The following MN1 variants were observed in gnomAD, a reference collection of about 807,000 sequenced individuals.
The protein encoded by MN1 is transcriptional activator MN1.
Under a neutral mutation model 86.9 loss-of-function variants are expected in MN1, and 19 were observed. The ratio of observed to expected loss-of-function variants is 0.22; its 90% CI spans 0.15 to 0.32. The LOEUF (loss-of-function observed/expected upper bound fraction) is 0.32, where lower values mean the gene tolerates loss of function less well. Ranked by LOEUF, MN1 falls within the 10% of genes least tolerant of loss-of-function variation. MN1 has a pLI of 1.00. For synonymous variants in MN1, 928 were observed against 849.6 expected (o/e 1.09, Z -1.60); for missense variants, 1,841 against 1,862.0 (o/e 0.99, Z 0.21).
Position 27,797,961 on chromosome 22 carries a change from G to A in MN1, c.2583C>T (p.Ser861=), listed in dbSNP as rs1486341722. The change falls in exon 1 of 2, where the codon AGC becomes AGT. Residue 861 remains serine, a synonymous_variant. Transcript: ENST00000302326. The stretch of plus-strand genomic sequence containing the variant: ...CTGCCGCGCCGTCGGTCTCGTTCTG[G>A]CTCAGTTTCCTCTTGCCCTCTGGCG... ...KNPPEGKRKL[S]QNETDGAAVA... 6.3e-7 allele frequency: 1 copy of A among 1,594,598 alleles called. No homozygotes were observed. Among genetic ancestry groups the A allele is most frequent in the Non-Finnish European group, 8.5e-7 (1 of 1,170,188 alleles).
At position 27,800,006 on chromosome 22, in the gene MN1, C is replaced by A. The variant is rs1191504197; in HGVS notation, c.538G>T (p.Gly180Cys). 6.2e-7 allele frequency: 1 copy of A among 1,605,160 alleles called. No homozygotes were observed. Among genetic ancestry groups the A allele is most frequent in the Non-Finnish European group, 8.5e-7 (1 of 1,179,000 alleles). Reference sequence around the variant, plus strand: ...GCCGGCACGGCGTGGCTGGAGGCACCTGAACTGTGGAAGTCCGGGAGGTTC... The same window carrying A: ...GCCGGCACGGCGTGGCTGGAGGCACATGAACTGTGGAAGTCCGGGAGGTTC... ...PGNLPDFHSS[G>C]ASSHAVPAPC... is the part of the protein sequence containing the mutation. Residue 180 changes from glycine (G) to cysteine (C), a missense_variant, in exon 1 of 2, where the codon GGT becomes TGT. Coordinates refer to ENST00000302326, the MANE Select transcript of MN1 (RefSeq NM_002430.3).
rs1355345150 is a variant in MN1, at chr22:27,801,439, GGGAGGGCAGCGAGAC to G, written c.-911_-897del. The G allele has an allele frequency of 1.4e-5, 3 of 207,306 alleles. No individual in the cohort carries two copies. Among genetic ancestry groups the G allele is most frequent in the Non-Finnish European group, 2.0e-5 (2 of 101,340 alleles). 12.8% of individuals were successfully genotyped at this position (207,306 alleles called of 1,614,324 possible). ...AGTCTCCGCGCACCGTTGCAGGCGC[GGGAGGGCAGCGAGAC>G]GAGGGGTTGGGTCGCTCCAAGGCTC... On this transcript the variant is annotated 5_prime_UTR_variant, in exon 1 of 2. Coordinates refer to ENST00000302326, the MANE Select transcript of MN1 (RefSeq NM_002430.3).
intron 1 of MN1, among the ~76,000 whole-genome samples, chr22:27,795,303 G>C (rs938108878): frequency 6.6e-6 from 1 of 152,046 alleles, no homozygotes; most frequent in South Asian, 2.1e-4. Flanking sequence ...AAAGCTACCC[G>C]GGATGCGCGC....
Position 27,750,796 on chromosome 22 carries a change from C to A in MN1, c.*119G>T. ...CCAACCTAGAGAAAAAAAAAAAACT[C>A]ATCCACTCAGCAATAGTGGCCCTTT... On this transcript the variant is annotated 3_prime_UTR_variant, in exon 2 of 2. Coordinates refer to ENST00000302326, the MANE Select transcript of MN1 (RefSeq NM_002430.3). 1 of 829,788 alleles carries A rather than the reference C, an allele frequency of 1.2e-6. No individual in the cohort carries two copies. The highest frequency in any genetic ancestry group is 1.8e-6 in the Non-Finnish European group (1 of 569,464). The allele number at this position is 829,788 out of a possible 1,614,324, so 51.4% of individuals were successfully genotyped here. A position where few individuals can be genotyped will look rare whatever the true frequency, so the allele number is the denominator to read the frequency against.
intron 1 of MN1, among the ~76,000 whole-genome samples, chr22:27,772,883 C>CATA (rs1157623188): frequency 2.4e-5 from 3 of 122,522 alleles, no homozygotes; most frequent in Non-Finnish European, 5.4e-5. Context: ...TCATCATCAT[C>CATA]ATAATCAAGC....
intron 1 of MN1, among the ~76,000 whole-genome samples, chr22:27,793,244 C>T (rs188221865): frequency 2.0e-5 from 3 of 152,264 alleles, no homozygotes; most frequent in East Asian, 1.9e-4. Flanking sequence ...GGGGAGAAAA[C>T]GTACTTTTTC....
intron 1 of MN1, among the ~76,000 whole-genome samples, chr22:27,786,430 A>AACACACAC (rs3831690): frequency 1.6e-3 from 234 of 148,932 alleles, no homozygotes; most frequent in African/African-American, 4.5e-3. Context: ...TTAAAAGTTA[A>AACACACAC]ACACACACAC....
chr22:27,790,661 C>T (rs940887767), intron 1 of MN1, among the ~76,000 whole-genome samples: 2 of 147,680 alleles, frequency 1.4e-5, no homozygotes, highest in African/African-American at 2.5e-5. Context: ...AAGCAGCGTC[C>T]GCTTCCCACA....
chr22:27,794,829 T>C (rs1263379260), intron 1 of MN1, among the ~76,000 whole-genome samples: 2 of 151,896 alleles, frequency 1.3e-5, no homozygotes, highest in Admixed American at 1.3e-4. Context: ...TTTTTTTTTT[T>C]TTAACTTTTC....
At position 27,765,542 on chromosome 22, in the gene MN1, G is replaced by A. The variant is rs896230293; in HGVS notation, c.3782-14446C>T. 2.6e-5 allele frequency among the ~76,000 whole-genome samples: 4 copies of A among 152,218 alleles called. 1 individual carries two copies. Among genetic ancestry groups the A allele is most frequent in the Admixed American group, 1.3e-4 (2 of 15,282 alleles). ...GGCTCCCAGCACTTACCCCTGCAAG[G>A]CCTCTGAGGACCCCCGTGTGGGCTG... On this transcript the variant is annotated intron_variant, in intron 1 of 1. Transcript: ENST00000302326.
At chr22:27,784,699 A>G (rs1933098953) in intron 1 of MN1, among the ~76,000 whole-genome samples, 1 of 152,188 alleles carries the variant, frequency 6.6e-6, no homozygotes, top group Non-Finnish European at 1.5e-5. Flanking sequence ...CATTTACAAT[A>G]TTCTTTGCCT....
Position 27,788,189 on chromosome 22 carries a change from G to A in MN1, c.3781+8574C>T, listed in dbSNP as rs568908042. Among the ~76,000 whole-genome samples the A allele has an allele frequency of 4.6e-5, 7 of 152,202 alleles. No individual in the cohort carries two copies. The East Asian group carries it at 5.8e-4, about 13-fold the overall frequency. ...TGACGCATTTCTCCCTGCCCCATCC[G>A]TCCCTCTGCCATGCCCCTATCCTGA... On this transcript the variant is annotated intron_variant, in intron 1 of 1. Coordinates refer to ENST00000302326, the MANE Select transcript of MN1 (RefSeq NM_002430.3).
intron 1 of MN1, among the ~76,000 whole-genome samples, chr22:27,794,951 G>A (rs185544935): frequency 6.6e-6 from 1 of 151,350 alleles, no homozygotes; most frequent in Admixed American, 6.6e-5. Flanking sequence ...AGTGACAGGG[G>A]CTGAGATTTG....
Position 27,797,867 on chromosome 22 carries a change from G to T in MN1, c.2677C>A (p.Pro893Thr). The T allele has an allele frequency of 6.3e-7, 1 of 1,588,490 alleles. No homozygotes were observed. Among genetic ancestry groups the T allele is most frequent in the Non-Finnish European group, 8.6e-7 (1 of 1,168,976 alleles). ...TAPGAPGPGG[P>T]SGTSSSGSKA... ...GAGCCGCTGCTACTGGTCCCGGACG[G>T]GCCTCCGGGTCCTGGGGCCCCAGGA... The change falls in exon 1 of 2, where the codon CCG (proline) becomes ACG (threonine). Residue 893 changes from proline (P) to threonine (T), a missense_variant. Physicochemically the swap from Pro to Thr is conservative, Grantham distance 38 (BLOSUM62 -1). Transcript: ENST00000302326.
chr22:27,772,717 C>T (rs936291969), intron 1 of MN1, among the ~76,000 whole-genome samples: 1 of 152,132 alleles, frequency 6.6e-6, no homozygotes, highest in African/African-American at 2.4e-5. Context: ...AGTTTCCTCA[C>T]CTGTCAAATG....
At chr22:27,761,528 G>A (rs1014070192) in intron 1 of MN1, among the ~76,000 whole-genome samples, 4 of 151,600 alleles carry the variant, frequency 2.6e-5, no homozygotes, top group Admixed American at 1.3e-4. Flanking sequence ...GCCCCTTAAC[G>A]TTTCTTCCCT....
intron 1 of MN1, among the ~76,000 whole-genome samples, chr22:27,786,607 ACT>A (rs1933136932): frequency 6.6e-6 from 1 of 151,976 alleles, no homozygotes; most frequent in Non-Finnish European, 1.5e-5. Flanking sequence ...ATGCTGGGAA[ACT>A]CTCAGGGTCG....
intron 1 of MN1, among the ~76,000 whole-genome samples, chr22:27,761,876 G>A (rs1932837477): frequency 6.6e-6 from 1 of 152,206 alleles, no homozygotes; most frequent in African/African-American, 2.4e-5. Flanking sequence ...TTGAGAACTG[G>A]CCGAGGGCTC....
intron 1 of MN1, among the ~76,000 whole-genome samples, chr22:27,756,441 C>T (rs1031082173): frequency 2.0e-5 from 3 of 152,114 alleles, no homozygotes; most frequent in Non-Finnish European, 4.4e-5. Context: ...GTTCTCCCAG[C>T]CACGGTTCCA....
Sources: allele counts gnomAD v4.1 joint callset (sites outside exome capture counted in the v4.1 genomes callset), GRCh38; gene constraint gnomAD v4.1.1; transcripts MANE v1.5; gene names NCBI Gene and HGNC (gene_info 2026-07-23, HGNC 2026-07-21).